The following ELOVL6 variants were observed in gnomAD, a reference collection of about 807,000 sequenced individuals.
ELOVL6 encodes the protein ELOVL fatty acid elongase 6, also known as very long chain fatty acid elongase 6.
ELOVL6 carries 8 observed loss-of-function variants against 31.7 expected under a neutral mutation model. The observed-to-expected ratio is 0.25, with a 90% CI of 0.15 to 0.45. The LOEUF (loss-of-function observed/expected upper bound fraction) is 0.45. Among genes scored for constraint, ELOVL6 ranks in the 20% least tolerant of loss-of-function variants. The pLI, the probability that ELOVL6 is intolerant of heterozygous loss-of-function variation, is 1.00. For missense variants in ELOVL6, 126 were observed against 326.4 expected, an observed-to-expected ratio of 0.39 and a Z score of 4.73; for synonymous variants, 101 against 117.7, an observed-to-expected ratio of 0.86 and a Z score of 0.92.
chr4:110,117,903 A>AAAAAAAAAAATTAT lies in ELOVL6; in HGVS notation c.90-12276_90-12275insATAATTTTTTTTTT. On this transcript the variant is annotated intron_variant, in intron 1 of 3. Coordinates refer to ENST00000302274, the MANE Select transcript of ELOVL6 (RefSeq NM_024090.3). ...TCTCAAAAAAAAAAAAAAAAAAAAA[A>AAAAAAAAAAATTAT]ATATATATATATATATATATATCTC... 6 of 6,504 alleles carry AAAAAAAAAAATTAT rather than the reference A, an allele frequency of 9.2e-4. 1 individual carries two copies. The highest frequency in any genetic ancestry group is 2.0e-3 in the African/African-American group (6 of 3,064). 0.4% of individuals were successfully genotyped at this position (6,504 alleles called of 1,614,324 possible).
intron 1 of ELOVL6, among the ~76,000 whole-genome samples, chr4:110,197,019 C>T (rs1025520712): frequency 2.0e-5 from 3 of 152,214 alleles, no homozygotes; most frequent in African/African-American, 7.2e-5. Context: ...CCAACCCGCC[C>T]AGGCCACAGG....
At chr4:110,119,546 C>T (rs778794683) in intron 1 of ELOVL6, among the ~76,000 whole-genome samples, 9 of 152,188 alleles carry the variant, frequency 5.9e-5, no homozygotes, top group East Asian at 1.9e-4. Context: ...GTTTCTACAG[C>T]GGGAAGCAGA....
At chr4:110,063,661 CAA>C (rs1755211593) in intron 2 of ELOVL6, among the ~76,000 whole-genome samples, 1 of 151,204 alleles carries the variant, frequency 6.6e-6, no homozygotes, top group Admixed American at 6.6e-5. Context: ...TCTAGAGCCT[CAA>C]AGAGGCTGAG....
chr4:110,178,465 T>C (rs1366796114), intron 1 of ELOVL6, among the ~76,000 whole-genome samples: 5 of 150,860 alleles, frequency 3.3e-5, no homozygotes, highest in Admixed American at 6.6e-5. Flanking sequence ...TCGCTTGAAC[T>C]GGGGAGGTGA....
At position 110,051,811 on chromosome 4, in the gene ELOVL6, A is replaced by G. The variant is rs777490090; in HGVS notation, c.374-49T>C. 7.0e-5 allele frequency: 105 copies of G among 1,502,122 alleles called. No individual in the cohort carries two copies. The highest frequency in any genetic ancestry group is 9.3e-5 in the Non-Finnish European group (102 of 1,097,960). 93.0% of individuals were successfully genotyped at this position (1,502,122 alleles called of 1,614,324 possible). On this transcript the variant is annotated intron_variant, in intron 3 of 3. Coordinates refer to ENST00000302274, the MANE Select transcript of ELOVL6 (RefSeq NM_024090.3). This position sits in a 1 kb window ranked among gnomAD's most constrained non-coding sequence, Gnocchi z 4.8. ...TACGTGAGATCCTTGACCACCAGTA[A>G]CGATGACTTACAGTTTTGTAAGAGG... is the stretch of plus-strand genomic sequence containing the variant.
rs1445331438 is a variant in ELOVL6 at position 110,069,164 on chromosome 4, TAATAATAGG to T, written c.222-9419_222-9411del. ...ATAATAATAATAATAATAATAATAA[TAATAATAGG>T]GACACTTGGTACCATAATGGATGTC... On this transcript the variant is annotated intron_variant, in intron 2 of 3. Coordinates refer to ENST00000302274, the MANE Select transcript of ELOVL6 (RefSeq NM_024090.3). Among the ~76,000 whole-genome samples, 796 of 142,686 alleles carry T rather than the reference TAATAATAGG, an allele frequency of 5.6e-3. 10 individuals are homozygous for T. The highest frequency in any genetic ancestry group is 0.019 in the African/African-American group (737 of 38,768). The allele number at this position is 142,686 out of a possible 152,430, so 93.6% of individuals were successfully genotyped here.
intron 2 of ELOVL6, among the ~76,000 whole-genome samples, chr4:110,103,834 C>T (rs1343623747): frequency 1.3e-5 from 2 of 152,132 alleles, no homozygotes; most frequent in Non-Finnish European, 2.9e-5. Flanking sequence ...AAACAGGAAT[C>T]ATTTATGAGA....
intron 2 of ELOVL6, among the ~76,000 whole-genome samples, chr4:110,085,586 G>C (rs949175293): frequency 2.0e-5 from 3 of 152,196 alleles, no homozygotes; most frequent in Non-Finnish European, 4.4e-5. Context: ...GTTACTGTAA[G>C]AGTCCCTGGA....
intron 1 of ELOVL6, among the ~76,000 whole-genome samples, chr4:110,184,775 C>T (rs1361338058): frequency 6.6e-6 from 1 of 152,050 alleles, no homozygotes; most frequent in Non-Finnish European, 1.5e-5. Flanking sequence ...GTACTGGTCC[C>T]ACATAGATGA....
Position 110,198,435 on chromosome 4 carries a change from A to AC in ELOVL6, c.-101dup. 3 of 598,950 alleles carry AC rather than the reference A, an allele frequency of 5.0e-6. No homozygotes were observed. Among genetic ancestry groups the AC allele is most frequent in the African/African-American group, 2.9e-5 (1 of 34,444 alleles). The allele number at this position is 598,950 out of a possible 1,614,324, so 37.1% of individuals were successfully genotyped here. On this transcript the variant is annotated 5_prime_UTR_variant, in exon 1 of 4. Transcript: ENST00000302274. Reference sequence around the variant, plus strand: ...GTTCTCCTGTCTGCTTCCCCCACCCACCCCCCTAGGTCTTCCCCACGCCGC... The same window carrying AC: ...GTTCTCCTGTCTGCTTCCCCCACCCACCCCCCCTAGGTCTTCCCCACGCCGC...
chr4:110,197,078 C>G (rs1425563677), intron 1 of ELOVL6, among the ~76,000 whole-genome samples: 8 of 152,204 alleles, frequency 5.3e-5, no homozygotes, highest in African/African-American at 1.7e-4. Flanking sequence ...CGGGAGGGCG[C>G]GGGGCACGCG....
intron 2 of ELOVL6, among the ~76,000 whole-genome samples, chr4:110,096,850 G>A (rs1756593000): frequency 6.6e-6 from 1 of 152,104 alleles, no homozygotes; most frequent in South Asian, 2.1e-4. Flanking sequence ...ATAATAAATA[G>A]CTGCAATTTG....
At position 110,198,446 on chromosome 4, in the gene ELOVL6, TC is replaced by T; in HGVS notation, c.-112del. On this transcript the variant is annotated 5_prime_UTR_variant, in exon 1 of 4. Transcript: ENST00000302274. Reference sequence around the variant, plus strand: ...TGCTTCCCCCACCCACCCCCCTAGGTCTTCCCCACGCCGCTCGGTCTCCAGC... The same window carrying T: ...TGCTTCCCCCACCCACCCCCCTAGGTTTCCCCACGCCGCTCGGTCTCCAGC... The T allele has an allele frequency of 1.5e-6, 1 of 655,714 alleles. No individual in the cohort carries two copies. Among genetic ancestry groups the T allele is most frequent in the Non-Finnish European group, 2.7e-6 (1 of 376,046 alleles). The allele number at this position is 655,714 out of a possible 1,614,324, so 40.6% of individuals were successfully genotyped here.
chr4:110,189,810 T>C (rs1018644553), intron 1 of ELOVL6, among the ~76,000 whole-genome samples: 1 of 151,146 alleles, frequency 6.6e-6, no homozygotes, highest in African/African-American at 2.4e-5. Flanking sequence ...CTACTAAAAA[T>C]AGAAAAATTA....
chr4:110,094,079 G>A (rs376139592), intron 2 of ELOVL6, among the ~76,000 whole-genome samples: 4 of 151,936 alleles, frequency 2.6e-5, no homozygotes, highest in East Asian at 1.9e-4. Context: ...GCAAAAGCCC[G>A]TCTCTACCAA....
intron 1 of ELOVL6, among the ~76,000 whole-genome samples, chr4:110,151,618 CA>C (rs1317390764): frequency 6.6e-6 from 1 of 152,018 alleles, no homozygotes; most frequent in Non-Finnish European, 1.5e-5. Context: ...AATTATTTAC[CA>C]AAAGGCCAAT....
intron 1 of ELOVL6, among the ~76,000 whole-genome samples, chr4:110,162,196 G>A (rs1758649872): frequency 6.6e-6 from 1 of 152,154 alleles, no homozygotes; most frequent in African/African-American, 2.4e-5. Flanking sequence ...GCAAATGATT[G>A]AAAGATTACC....
intron 1 of ELOVL6, among the ~76,000 whole-genome samples, chr4:110,169,280 C>T (rs1019953911): frequency 1.3e-5 from 2 of 150,358 alleles, no homozygotes; most frequent in Non-Finnish European, 3.0e-5. Flanking sequence ...GCTCTGCCAC[C>T]CAGGTTGGAG....
chr4:110,119,258 A>G (rs1757273787), intron 1 of ELOVL6, among the ~76,000 whole-genome samples: 3 of 152,060 alleles, frequency 2.0e-5, no homozygotes, highest in African/African-American at 7.2e-5. Context: ...GATTGCACCA[A>G]TGCACTCTAG....
Sources: allele counts gnomAD v4.1 joint callset (sites outside exome capture counted in the v4.1 genomes callset), GRCh38; gene constraint gnomAD v4.1.1; non-coding constraint Gnocchi (gnomAD v3.1); transcripts MANE v1.5; gene names NCBI Gene and HGNC (gene_info 2026-07-23, HGNC 2026-07-21).